WWOX: variants seen among roughly 807,000 people sequenced by gnomAD.
WWOX encodes WW domain containing oxidoreductase, also known as WW domain-containing oxidoreductase.
WWOX carries 69 observed loss-of-function variants against 46.2 expected under a neutral mutation model. The observed-to-expected ratio is 1.49, with a 90% CI of 1.23 to 1.82. WWOX has a LOEUF of 1.82. Ranked by LOEUF, WWOX falls within the 40% of genes most tolerant of loss-of-function variation. The pLI is 0.00. For missense variants in WWOX, 919 were observed against 542.6 expected, an observed-to-expected ratio of 1.69 and a Z score of -6.89; for synonymous variants, 359 against 202.6, an observed-to-expected ratio of 1.77 and a Z score of -6.56.
rs546384638 is a variant in WWOX, at chr16:79,158,688, C to T, written c.1057-52920C>T. Among the ~76,000 whole-genome samples the T allele has an allele frequency of 5.3e-5, 8 of 152,330 alleles. No individual in the cohort carries two copies. The East Asian group carries it at 7.7e-4, about 15-fold the overall frequency. ...CTCCCCAGCTTTGCACACCTGATTGCTTTTTGTAAGTCAGATCTCAGATTA... is the reference window on the plus strand; with the variant it reads ...CTCCCCAGCTTTGCACACCTGATTGTTTTTTGTAAGTCAGATCTCAGATTA... On this transcript the variant is annotated intron_variant, in intron 8 of 8. Transcript: ENST00000566780.
chr16:78,932,919 A>T (rs1431385721), intron 8 of WWOX, among the ~76,000 whole-genome samples: 1 of 152,216 alleles, frequency 6.6e-6, no homozygotes, highest in Non-Finnish European at 1.5e-5. Flanking sequence ...AGGAGAACAT[A>T]GTCCAGGTTG....
chr16:79,116,090 A>G (rs1027073800), intron 8 of WWOX, among the ~76,000 whole-genome samples: 1 of 152,230 alleles, frequency 6.6e-6, no homozygotes, highest in African/African-American at 2.4e-5. Flanking sequence ...CTTAATTTTA[A>G]AATATTTCAT....
intron 8 of WWOX, among the ~76,000 whole-genome samples, chr16:78,496,747 CTG>C (rs2084928257): frequency 6.6e-6 from 1 of 152,186 alleles, no homozygotes; most frequent in African/African-American, 2.4e-5. Flanking sequence ...AGCTTTCTTA[CTG>C]TGTGTTTGCA....
chr16:79,160,365 C>T (rs2050461428), intron 8 of WWOX, among the ~76,000 whole-genome samples: 1 of 152,126 alleles, frequency 6.6e-6, no homozygotes, highest in South Asian at 2.1e-4. Context: ...GCTACCTAGT[C>T]CCGGCTCCAC....
At chr16:79,181,126 A>G (rs2050903082) in intron 8 of WWOX, among the ~76,000 whole-genome samples, 1 of 152,200 alleles carries the variant, frequency 6.6e-6, no homozygotes, top group Non-Finnish European at 1.5e-5. Flanking sequence ...GCAATTTTGG[A>G]CCTTCTGTGA....
chr16:78,549,940 A>G (rs1430673321), intron 8 of WWOX, among the ~76,000 whole-genome samples: 1 of 152,184 alleles, frequency 6.6e-6, no homozygotes, highest in East Asian at 1.9e-4. Context: ...AAAGAAAAAA[A>G]AGAAAAGTCA....
chr16:78,475,784 C>T lies in WWOX; in HGVS notation c.1056+43032C>T, dbSNP rs536818832. ...TAATTTTATGCATTTTTAGTAGAGA[C>T]GCGTTTCACCATGTTAGCCAGGCTG... On this transcript the variant is annotated intron_variant, in intron 8 of 8. Coordinates refer to ENST00000566780, the MANE Select transcript of WWOX (RefSeq NM_016373.4). Among the ~76,000 whole-genome samples the T allele has an allele frequency of 5.3e-5, 8 of 152,118 alleles. No homozygotes were observed. In the South Asian group the frequency reaches 1.5e-3, roughly 28 times the overall value.
At chr16:78,234,628 C>T (rs1282878477) in intron 5 of WWOX, among the ~76,000 whole-genome samples, 1 of 152,066 alleles carries the variant, frequency 6.6e-6, no homozygotes, top group African/African-American at 2.4e-5. Flanking sequence ...GAGCTAAGAA[C>T]CCATCAAATC....
intron 8 of WWOX, among the ~76,000 whole-genome samples, chr16:78,869,164 A>G (rs2044071549): frequency 2.0e-5 from 3 of 152,180 alleles, no homozygotes; most frequent in Non-Finnish European, 4.4e-5. Context: ...TATACGTTTT[A>G]GTCAACCATC....
intron 8 of WWOX, among the ~76,000 whole-genome samples, chr16:78,816,254 C>A (rs534745813): frequency 2.0e-5 from 3 of 152,252 alleles, no homozygotes; most frequent in African/African-American, 4.8e-5. Context: ...AAAGAGGGCA[C>A]CCTTTTCTTT....
intron 8 of WWOX, among the ~76,000 whole-genome samples, chr16:79,177,825 C>T (rs539566723): frequency 1.3e-5 from 2 of 152,310 alleles, no homozygotes; most frequent in East Asian, 1.9e-4. Flanking sequence ...CTAAATGTTA[C>T]CATTTTCCTT....
intron 8 of WWOX, among the ~76,000 whole-genome samples, chr16:78,973,194 A>T (rs1051923177): frequency 1.2e-4 from 19 of 152,196 alleles, no homozygotes; most frequent in Non-Finnish European, 2.8e-4. Flanking sequence ...CCTAAGAAAG[A>T]TAAAGGCCCT....
intron 5 of WWOX, among the ~76,000 whole-genome samples, chr16:78,225,397 CTTTT>C (rs901296131): frequency 6.6e-6 from 1 of 152,080 alleles, no homozygotes; most frequent in Non-Finnish European, 1.5e-5. Flanking sequence ...ATGACCTCTG[CTTTT>C]TTTGTCTTTA....
chr16:78,865,023 A>C (rs2043973481), intron 8 of WWOX, among the ~76,000 whole-genome samples: 1 of 151,992 alleles, frequency 6.6e-6, no homozygotes, highest in Non-Finnish European at 1.5e-5. Context: ...TTGGCCTCCC[A>C]AAGTGCTGTG....
chr16:79,158,719 C>T (rs749560009), intron 8 of WWOX, among the ~76,000 whole-genome samples: 6 of 152,204 alleles, frequency 3.9e-5, no homozygotes, highest in African/African-American at 7.2e-5. Context: ...GATTAATTGT[C>T]GCCTTTACAG....
At chr16:79,105,341 G>A (rs897796081) in intron 8 of WWOX, among the ~76,000 whole-genome samples, 1 of 152,074 alleles carries the variant, frequency 6.6e-6, no homozygotes, top group African/African-American at 2.4e-5. Flanking sequence ...AAGCAGAACG[G>A]TCATCATCTC....
chr16:79,019,302 C>T (rs567372086), intron 8 of WWOX, among the ~76,000 whole-genome samples: 9 of 151,288 alleles, frequency 5.9e-5, no homozygotes, highest in East Asian at 2.0e-4. Context: ...ATGGAGTGCA[C>T]GTACACAAAC....
chr16:78,950,725 C>T (rs182228079), intron 8 of WWOX, among the ~76,000 whole-genome samples: 38 of 152,242 alleles, frequency 2.5e-4, no homozygotes, highest in South Asian at 2.5e-3. Flanking sequence ...TAGACACTCA[C>T]GGTGATAAAA....
At chr16:78,686,371 CGT>C (rs2047859272) in intron 8 of WWOX, among the ~76,000 whole-genome samples, 1 of 152,086 alleles carries the variant, frequency 6.6e-6, no homozygotes, top group African/African-American at 2.4e-5. Flanking sequence ...ATTAGCCAGG[CGT>C]GGTGGCGGGC....
Sources: allele counts gnomAD v4.1 joint callset (sites outside exome capture counted in the v4.1 genomes callset), GRCh38; gene constraint gnomAD v4.1.1; transcripts MANE v1.5; gene names NCBI Gene and HGNC (gene_info 2026-07-23, HGNC 2026-07-21).